Variants in ST6GAL1 observed in about 807,000 individuals in gnomAD.
ST6GAL1 encodes beta-galactoside alpha-2,6-sialyltransferase 1.
In ST6GAL1, 20 loss-of-function variants were observed where a neutral mutation model predicts 38.0. The ratio of observed to expected loss-of-function variants is 0.53; its 90% CI spans 0.37 to 0.77. The LOEUF (loss-of-function observed/expected upper bound fraction) is 0.77, where lower values mean the gene tolerates loss of function less well. Among genes scored for constraint, ST6GAL1 ranks in the 30% least tolerant of loss-of-function variants. ST6GAL1 has a pLI of 0.00. For missense variants in ST6GAL1, 432 were observed against 496.4 expected (o/e 0.87, Z 1.23); for synonymous variants, 196 against 188.2 (o/e 1.04, Z -0.34).
At chr3:186,959,853 A>G (rs1260844887) in intron 1 of ST6GAL1, among the ~76,000 whole-genome samples, 1 of 152,236 alleles carries the variant, frequency 6.6e-6, no homozygotes, top group Non-Finnish European at 1.5e-5. Context: ...ACCATTGCTC[A>G]CATCTCAGAC....
chr3:187,013,440 C>T (rs951098837), intron 2 of ST6GAL1, among the ~76,000 whole-genome samples: 2 of 152,188 alleles, frequency 1.3e-5, no homozygotes, highest in African/African-American at 4.8e-5. Flanking sequence ...CACATCTGTG[C>T]CCTGGTTTCA....
At chr3:187,011,291 G>T (rs1343838787) in intron 2 of ST6GAL1, among the ~76,000 whole-genome samples, 1 of 152,194 alleles carries the variant, frequency 6.6e-6, no homozygotes, top group Non-Finnish European at 1.5e-5. Flanking sequence ...GAGCCACCGT[G>T]CCCGGAGAAA....
At position 186,952,182 on chromosome 3, in the gene ST6GAL1, G is replaced by T. The variant is rs1308357739; in HGVS notation, c.-324-11603G>T. Among the ~76,000 whole-genome samples the T allele has an allele frequency of 2.0e-5, 3 of 152,114 alleles. No homozygotes were observed. Among genetic ancestry groups the T allele is most frequent in the Non-Finnish European group, 2.9e-5 (2 of 68,014 alleles). ...GGGTGTGCCAATTTTTATGCTCCTG[G>T]AGAGAGTTGTCTGCATTTGCACCCT... On this transcript the variant is annotated intron_variant, in intron 1 of 7. Transcript: ENST00000169298. This position sits in a 1 kb window ranked among gnomAD's most constrained non-coding sequence, Gnocchi z 4.1.
intron 2 of ST6GAL1, among the ~76,000 whole-genome samples, chr3:187,013,032 G>C (rs910840341): frequency 6.6e-6 from 1 of 152,208 alleles, no homozygotes; most frequent in Non-Finnish European, 1.5e-5. Context: ...ATTTAACAAT[G>C]TTGTGTTTTC....
chr3:187,013,546 G>A (rs1418372330), intron 2 of ST6GAL1, among the ~76,000 whole-genome samples: 1 of 152,214 alleles, frequency 6.6e-6, no homozygotes, highest in Non-Finnish European at 1.5e-5. Context: ...GTGGAGCAGT[G>A]TTTGAAATAG....
At chr3:187,012,487 C>T (rs886181923) in intron 2 of ST6GAL1, among the ~76,000 whole-genome samples, 1 of 152,178 alleles carries the variant, frequency 6.6e-6, no homozygotes, top group African/African-American at 2.4e-5. Flanking sequence ...AACTCCTGAC[C>T]TTGTGATCCA....
intron 6 of ST6GAL1, 133 bp from the exon 7 acceptor site, chr3:187,074,026 A>G: frequency 3.9e-6 from 3 of 766,780 alleles, no homozygotes; most frequent in African/African-American, 1.8e-5. Flanking sequence ...CTGCTGCAAG[A>G]AAAGGGCTGT....
intron 2 of ST6GAL1, among the ~76,000 whole-genome samples, chr3:186,983,336 A>C (rs1715755640): frequency 6.6e-6 from 1 of 152,218 alleles, no homozygotes; most frequent in South Asian, 2.1e-4. Flanking sequence ...ATTAGAATAT[A>C]ATTGAGATTT....
At chr3:187,006,305 A>G (rs900911803) in intron 2 of ST6GAL1, 12 of 152,156 alleles carry the variant, frequency 7.9e-5, no homozygotes, top group Non-Finnish European at 1.5e-4. Flanking sequence ...GATCTAACCT[A>G]CCTCATGTAA....
chr3:186,999,967 A>G (rs948696627), intron 2 of ST6GAL1, among the ~76,000 whole-genome samples: 1 of 152,006 alleles, frequency 6.6e-6, no homozygotes, highest in Non-Finnish European at 1.5e-5. Flanking sequence ...CCTCCTGAGT[A>G]GCTGGGACTA....
chr3:187,050,546 G>GAGAGATAGAC (rs1438997551), intron 4 of ST6GAL1, among the ~76,000 whole-genome samples: 1 of 145,952 alleles, frequency 6.9e-6, no homozygotes, highest in Non-Finnish European at 1.5e-5. Flanking sequence ...GAGAGAGAGA[G>GAGAGATAGAC]AGAGAGAGAG....
intron 1 of ST6GAL1, among the ~76,000 whole-genome samples, chr3:186,940,809 C>T: frequency 7.0e-6 from 1 of 143,388 alleles, no homozygotes; most frequent in Non-Finnish European, 1.5e-5. Context: ...TTCATAGCTG[C>T]ATTGCATTCT....
At chr3:187,024,436 A>C (rs895467147) in intron 2 of ST6GAL1, among the ~76,000 whole-genome samples, 1 of 148,558 alleles carries the variant, frequency 6.7e-6, no homozygotes, top group Admixed American at 6.8e-5. Context: ...TATACTCTAT[A>C]TATATATACA....
At chr3:187,073,320 A>G (rs1306912646) in intron 6 of ST6GAL1, 1 of 186,442 alleles carries the variant, frequency 5.4e-6, no homozygotes, top group East Asian at 1.4e-4. Context: ...TTTATTTCAC[A>G]CTTCCAATAT....
intron 2 of ST6GAL1, among the ~76,000 whole-genome samples, chr3:186,979,372 AG>A (rs1715619220): frequency 6.6e-6 from 1 of 152,090 alleles, no homozygotes; most frequent in Non-Finnish European, 1.5e-5. Context: ...TAACAGTGGG[AG>A]GCCTTACAGT....
intron 2 of ST6GAL1, among the ~76,000 whole-genome samples, chr3:186,981,568 A>G (rs1315188141): frequency 1.3e-5 from 2 of 152,186 alleles, no homozygotes. Flanking sequence ...CAATACACTA[A>G]GGCACTTCAT....
chr3:187,042,601 C>G (rs1489870660), intron 3 of ST6GAL1, 53 bp from the exon 4 acceptor site: 2 of 1,482,174 alleles, frequency 1.3e-6, no homozygotes, highest in South Asian at 2.8e-5. Flanking sequence ...CGCCTCATGC[C>G]ACATTGGGTT....
intron 2 of ST6GAL1, among the ~76,000 whole-genome samples, chr3:186,999,296 A>G (rs1278824702): frequency 6.6e-6 from 1 of 152,214 alleles, no homozygotes; most frequent in African/African-American, 2.4e-5. Flanking sequence ...CAGCTATGTC[A>G]GGGCCAGGCC....
At chr3:187,065,332 A>G (rs996645389) in intron 5 of ST6GAL1, among the ~76,000 whole-genome samples, 2 of 152,154 alleles carry the variant, frequency 1.3e-5, no homozygotes, top group African/African-American at 4.8e-5. Flanking sequence ...ATCTGGACCC[A>G]CATTTGTTCA....
Sources: gnomAD v4.1 joint callset for allele counts (sites outside exome capture counted in the v4.1 genomes callset) on GRCh38, gnomAD v4.1.1 for gene constraint, Gnocchi (gnomAD v3.1) non-coding constraint, MANE v1.5 for transcripts, NCBI Gene and HGNC (gene_info 2026-07-23, HGNC 2026-07-21) for gene names.